The following ZNF722 variants were observed in gnomAD, a reference collection of about 807,000 sequenced individuals.
ZNF722 encodes the protein zinc finger protein 479 pseudogene.
the ZNF722 span, among the ~76,000 whole-genome samples, chr7:64,005,088 C>G: frequency 6.6e-6 from 1 of 152,120 alleles, no homozygotes; most frequent in African/African-American, 2.4e-5. Context: ...CACCTGAGGT[C>G]AGGAATTCAA....
At chr7:64,008,744 T>C in the ZNF722 span, among the ~76,000 whole-genome samples, 8 of 152,194 alleles carry the variant, frequency 5.3e-5, no homozygotes, top group African/African-American at 1.9e-4. Context: ...TTTGGTTCCA[T>C]ATGAACTTTA....
chr7:64,007,162 A>C, the ZNF722 span, among the ~76,000 whole-genome samples: 3 of 147,584 alleles, frequency 2.0e-5, no homozygotes, highest in Non-Finnish European at 4.5e-5. Flanking sequence ...TTTGTTTCGC[A>C]TTTTTCTATA....
chr7:64,012,468 T>A, the ZNF722 span, among the ~76,000 whole-genome samples: 6 of 152,188 alleles, frequency 3.9e-5, no homozygotes, highest in Admixed American at 3.9e-4. Context: ...GGTGTGGTTG[T>A]CCTTTTTGTT....
chr7:64,003,043 C>T, the ZNF722 span, among the ~76,000 whole-genome samples: 44 of 152,230 alleles, frequency 2.9e-4, 1 homozygote, highest in East Asian at 5.8e-3. Flanking sequence ...AATCACATTG[C>T]GAAAAGCAGG....
chr7:64,009,050 G>A, the ZNF722 span, among the ~76,000 whole-genome samples: 1 of 152,116 alleles, frequency 6.6e-6, no homozygotes, highest in Admixed American at 6.5e-5. Context: ...CTGTTTGTCT[G>A]TTATTGGTGT....
chr7:64,003,453 T>C, the ZNF722 span, among the ~76,000 whole-genome samples: 19 of 152,272 alleles, frequency 1.2e-4, no homozygotes, highest in East Asian at 1.7e-3. Flanking sequence ...GAGCATCTTA[T>C]CTGAAAATAC....
the ZNF722 span, among the ~76,000 whole-genome samples, chr7:64,016,326 T>G: frequency 0.018 from 2,750 of 151,966 alleles, 163 homozygotes; most frequent in East Asian, 0.18. Context: ...TTAGTAGAGA[T>G]GGAGTTTCAC....
At chr7:64,009,942 G>T in the ZNF722 span, among the ~76,000 whole-genome samples, 5 of 152,102 alleles carry the variant, frequency 3.3e-5, no homozygotes, top group Non-Finnish European at 5.9e-5. Flanking sequence ...TCTATTCAGG[G>T]ATTCAACTTC....
At chr7:64,005,837 C>G in the ZNF722 span, 1 of 1,154,020 alleles carries the variant, frequency 8.7e-7, no homozygotes, top group Non-Finnish European at 1.2e-6. Flanking sequence ...ATTTTTAGCT[C>G]TCCAATTTTA....
chr7:63,999,062 C>T, the ZNF722 span: 3 of 1,529,752 alleles, frequency 2.0e-6, no homozygotes, highest in Non-Finnish European at 2.7e-6. Flanking sequence ...CTGAAAGTGG[C>T]TTGTAGCAGG....
At chr7:64,015,787 A>T in the ZNF722 span, 1 of 1,609,948 alleles carries the variant, frequency 6.2e-7, no homozygotes, top group Non-Finnish European at 8.5e-7. Context: ...TCAACCCTTA[A>T]GACACATAAG....
At chr7:64,014,655 T>G in the ZNF722 span, among the ~76,000 whole-genome samples, 111,707 of 152,046 alleles carry the variant, frequency 0.73, 41,346 homozygotes, top group Admixed American at 0.78. Flanking sequence ...CCATGGTACT[T>G]CAGTCTTTCT....
At chr7:64,007,418 T>G in the ZNF722 span, among the ~76,000 whole-genome samples, 6 of 151,828 alleles carry the variant, frequency 4.0e-5, no homozygotes. Context: ...CAGGCCCTGG[T>G]GTGTGATGTT....
the ZNF722 span, among the ~76,000 whole-genome samples, chr7:64,000,642 A>T: frequency 2.5e-3 from 383 of 150,300 alleles, 1 homozygote; most frequent in African/African-American, 8.0e-3. Context: ...GTAGAGACAC[A>T]GTTTTGCCAT....
chr7:64,002,292 T>C, the ZNF722 span, among the ~76,000 whole-genome samples: 3 of 152,188 alleles, frequency 2.0e-5, no homozygotes, highest in Non-Finnish European at 2.9e-5. Context: ...TTCTTTTAAT[T>C]GTAACAATAG....
chr7:64,011,388 G>A, the ZNF722 span, among the ~76,000 whole-genome samples: 14 of 152,232 alleles, frequency 9.2e-5, no homozygotes, highest in East Asian at 1.4e-3. Flanking sequence ...GGCTGGTACC[G>A]GTTGTTCCTT....
chr7:64,001,124 C>G, the ZNF722 span, among the ~76,000 whole-genome samples: 177 of 152,184 alleles, frequency 1.2e-3, no homozygotes, highest in African/African-American at 4.1e-3. Context: ...AGTACATGTG[C>G]AGGTTTGTTG....
chr7:64,011,069 G>GC, the ZNF722 span, among the ~76,000 whole-genome samples: 1 of 72,466 alleles, frequency 1.4e-5, no homozygotes, highest in Non-Finnish European at 3.6e-5. Flanking sequence ...TGCAACCCCT[G>GC]CTTTTTTTTT....
chr7:64,014,801 G>A, the ZNF722 span, among the ~76,000 whole-genome samples: 1 of 152,108 alleles, frequency 6.6e-6, no homozygotes, highest in Admixed American at 6.6e-5. Flanking sequence ...TATGGCTTTT[G>A]ACATTGTGCT....
Sources: gnomAD v4.1 joint callset for allele counts (sites outside exome capture counted in the v4.1 genomes callset) on GRCh38, gnomAD v4.1.1 for gene constraint, MANE v1.5 for transcripts, NCBI Gene and HGNC (gene_info 2026-07-23, HGNC 2026-07-21) for gene names.